The following FNBP1L variants were observed in gnomAD, a reference collection of about 807,000 sequenced individuals.
FNBP1L encodes formin-binding protein 1-like.
FNBP1L carries 36 observed loss-of-function variants against 91.2 expected under a neutral mutation model. The ratio of observed to expected loss-of-function variants is 0.39; its 90% CI spans 0.30 to 0.52. The LOEUF is 0.52. Ranked by LOEUF, FNBP1L falls within the 20% of genes least tolerant of loss-of-function variation. The probability of loss-of-function intolerance (pLI) is 0.66; values close to 1 mark genes in which losing one functional copy is unlikely to be tolerated. For synonymous variants in FNBP1L, 242 were observed against 237.0 expected (o/e 1.02, Z -0.19); for missense variants, 571 against 732.1 (o/e 0.78, Z 2.54).
intron 1 of FNBP1L, among the ~76,000 whole-genome samples, chr1:93,459,730 A>G (rs962804044): frequency 6.6e-6 from 1 of 152,198 alleles, no homozygotes; most frequent in African/African-American, 2.4e-5. Flanking sequence ...GTATTTATCC[A>G]AAGGATAGGA....
chr1:93,497,501 A>G (rs1267657249), intron 1 of FNBP1L, among the ~76,000 whole-genome samples: 1 of 152,218 alleles, frequency 6.6e-6, no homozygotes, highest in Admixed American at 6.5e-5. Context: ...ACAACTAGAA[A>G]CTAGATATCA....
At chr1:93,551,306 T>C (rs2101779304) in intron 16 of FNBP1L, 1 of 1,261,746 alleles carries the variant, frequency 7.9e-7, no homozygotes, top group Middle Eastern at 3.1e-4. Flanking sequence ...TTGTGGCACT[T>C]TACTGTTTGA....
Position 93,534,899 on chromosome 1 carries a change from G to A in FNBP1L, c.981G>A (p.Lys327=), listed in dbSNP as rs747505942. 6.4e-7 allele frequency: 1 copy of A among 1,565,104 alleles called. No individual in the cohort carries two copies. The highest frequency in any genetic ancestry group is 1.2e-5 in the South Asian group (1 of 84,760). Residue 327 remains lysine, a synonymous_variant, in exon 9 of 17, where the codon AAG becomes AAA. Coordinates refer to ENST00000271234, the MANE Select transcript of FNBP1L (RefSeq NM_001164473.3). ...AGGGCAAATTGTGGCTCTTTGGAAA[G>A]AAGCCAAAGGTAAAAGTCATAAAAT... is the stretch of plus-strand genomic sequence containing the variant. ...KAKGKLWLFG[K]KPKPQSPPLT...
intron 1 of FNBP1L, among the ~76,000 whole-genome samples, chr1:93,497,148 C>T (rs1557792403): frequency 6.6e-6 from 1 of 151,744 alleles, no homozygotes; most frequent in African/African-American, 2.4e-5. Flanking sequence ...ATTTTTAGTA[C>T]AGACGGGGTT....
intron 1 of FNBP1L, among the ~76,000 whole-genome samples, chr1:93,483,190 G>GAA (rs76428254): frequency 1.6e-4 from 13 of 80,756 alleles, no homozygotes; most frequent in African/African-American, 2.7e-4. Context: ...ACCCTGTCTC[G>GAA]AAAAAAAAAA....
chr1:93,497,707 C>T (rs1409088164), intron 1 of FNBP1L, among the ~76,000 whole-genome samples: 1 of 152,146 alleles, frequency 6.6e-6, no homozygotes, highest in Non-Finnish European at 1.5e-5. Flanking sequence ...GCAACCTCCG[C>T]CTCCTGGGTT....
intron 1 of FNBP1L, among the ~76,000 whole-genome samples, chr1:93,487,378 A>T (rs1669944957): frequency 6.6e-6 from 1 of 152,166 alleles, no homozygotes; most frequent in Non-Finnish European, 1.5e-5. Flanking sequence ...AAGTGTTCAA[A>T]CTGAGTGTAT....
chr1:93,526,310 G>T (rs988435855), intron 5 of FNBP1L, among the ~76,000 whole-genome samples: 11 of 152,120 alleles, frequency 7.2e-5, no homozygotes, highest in African/African-American at 2.4e-4. Flanking sequence ...AGTAGCCCAC[G>T]GTTGTCACCA....
At chr1:93,483,846 T>G (rs1669802405) in intron 1 of FNBP1L, among the ~76,000 whole-genome samples, 1 of 152,340 alleles carries the variant, frequency 6.6e-6, no homozygotes, top group South Asian at 2.1e-4. Context: ...GTGAACTGAT[T>G]TAAAGCATCA....
At chr1:93,532,464 C>T (rs180871133) in intron 7 of FNBP1L, among the ~76,000 whole-genome samples, 229 of 120,800 alleles carry the variant, frequency 1.9e-3, no homozygotes, top group Non-Finnish European at 3.1e-3. Context: ...AGCGAGACTC[C>T]GCCTCAAAAA....
intron 1 of FNBP1L, among the ~76,000 whole-genome samples, chr1:93,448,878 C>G (rs1321226032): frequency 6.6e-6 from 1 of 152,024 alleles, no homozygotes; most frequent in Non-Finnish European, 1.5e-5. Context: ...CTCGGGCCAG[C>G]CAGGCCCAGC....
intron 1 of FNBP1L, among the ~76,000 whole-genome samples, chr1:93,481,960 G>A (rs1475620969): frequency 6.6e-6 from 1 of 152,098 alleles, no homozygotes; most frequent in African/African-American, 2.4e-5. Flanking sequence ...AGGAGTTTGA[G>A]ACCAGACTGG....
chr1:93,467,148 C>T (rs1000410916), intron 1 of FNBP1L, among the ~76,000 whole-genome samples: 23 of 152,182 alleles, frequency 1.5e-4, no homozygotes, highest in Admixed American at 7.9e-4. Flanking sequence ...TGAGCTACCG[C>T]GCCTAGCCAA....
rs370837605 is a variant in FNBP1L, at chr1:93,532,994, C to T, written c.712C>T (p.Arg238Cys). 71 of 1,613,026 alleles carry T rather than the reference C, an allele frequency of 4.4e-5. No homozygotes were observed. The highest frequency in any genetic ancestry group is 5.4e-5 in the Non-Finnish European group (64 of 1,179,448). Residue 238 changes from arginine to cysteine, a missense_variant, in exon 8 of 17, where the codon CGC (arginine) becomes TGC (cysteine). Around this residue, in one of 5 missense-constraint regions of FNBP1L, gnomAD observed 220 missense variants for 313.6 expected, o/e 0.70. Coordinates refer to ENST00000271234, the MANE Select transcript of FNBP1L (RefSeq NM_001164473.3). ...TTACAGAGGATTTGCTGACTCAGAACGCAAAGTTATTCCCATCATTTCAAA... is the reference window on the plus strand; with the variant it reads ...TTACAGAGGATTTGCTGACTCAGAATGCAAAGTTATTCCCATCATTTCAAA... ...ECYRGFADSE[R>C]KVIPIISKCL...
chr1:93,522,965 T>G (rs1435851738), intron 3 of FNBP1L, among the ~76,000 whole-genome samples: 1 of 152,076 alleles, frequency 6.6e-6, no homozygotes, highest in African/African-American at 2.4e-5. Context: ...CGAGATGCAT[T>G]TGGCAAGCAC....
chr1:93,466,188 A>T (rs543087173), intron 1 of FNBP1L, among the ~76,000 whole-genome samples: 2 of 152,274 alleles, frequency 1.3e-5, no homozygotes, highest in East Asian at 3.9e-4. Flanking sequence ...TTTGCCATGC[A>T]GAAGCTCTTT....
chr1:93,539,030 A>C (rs1002499736), intron 10 of FNBP1L, among the ~76,000 whole-genome samples: 1 of 152,032 alleles, frequency 6.6e-6, no homozygotes. Flanking sequence ...ATATTTGAGG[A>C]TATACTCGAA....
At chr1:93,477,439 C>G (rs72721016) in intron 1 of FNBP1L, among the ~76,000 whole-genome samples, 5 of 152,296 alleles carry the variant, frequency 3.3e-5, no homozygotes, top group African/African-American at 4.8e-5. Context: ...TTACCACCAA[C>G]TAAGGTTTTT....
At chr1:93,550,841 T>C in intron 15 of FNBP1L, 106 bp from the exon 16 acceptor site, 1 of 1,113,034 alleles carries the variant, frequency 9.0e-7, no homozygotes, top group Non-Finnish European at 1.2e-6. Context: ...TAGTTCCAGG[T>C]ACATTGAAAT....
Sources: gnomAD v4.1 joint callset for allele counts (sites outside exome capture counted in the v4.1 genomes callset) on GRCh38, gnomAD v4.1.1 for gene constraint, gnomAD v4.1.1 regional missense constraint, MANE v1.5 for transcripts, NCBI Gene and HGNC (gene_info 2026-07-23, HGNC 2026-07-21) for gene names.